Variants in SOX6 observed in about 807,000 individuals in gnomAD.
SOX6 encodes transcription factor SOX-6.
A neutral mutation model predicts 97.8 loss-of-function variants in SOX6; 11 were observed. That is an observed-to-expected ratio of 0.11 (90% CI 0.07 to 0.19). The LOEUF is 0.19. Among genes scored for constraint, SOX6 ranks in the 10% least tolerant of loss-of-function variants. The pLI, the probability that SOX6 is intolerant of heterozygous loss-of-function variation, is 1.00. For synonymous variants in SOX6, 360 were observed against 371.4 expected (o/e 0.97, Z 0.35); for missense variants, 810 against 1,039.5 (o/e 0.78, Z 3.04).
chr11:16,440,032 A>C (rs1441754096), intron 1 of SOX6, among the ~76,000 whole-genome samples: 3 of 152,220 alleles, frequency 2.0e-5, no homozygotes, highest in Non-Finnish European at 4.4e-5. Context: ...ACATGTTAAC[A>C]TGACTATAGC....
Position 16,462,233 on chromosome 11 carries a change from T to C in SOX6, c.-5+14082A>G, listed in dbSNP as rs966357481. ...AATAGTGTCAGAACACTTCTCACTA[T>C]GCTATTAACTTGCAAGCAGGCCAGC... On this transcript the variant is annotated intron_variant, in intron 1 of 15. Coordinates refer to the SOX6 transcript ENST00000396356. Among the ~76,000 whole-genome samples the C allele has an allele frequency of 3.9e-5, 6 of 152,266 alleles. No homozygotes were observed. The South Asian group carries it at 6.2e-4, about 16-fold the overall frequency.
At chr11:16,067,592 A>T (rs924052150) in intron 9 of SOX6, among the ~76,000 whole-genome samples, 9 of 152,146 alleles carry the variant, frequency 5.9e-5, no homozygotes, top group African/African-American at 2.2e-4. Context: ...GTATGTCCTC[A>T]TTAGCAGCAT....
chr11:16,255,347 AC>A (rs1853651621), intron 3 of SOX6, among the ~76,000 whole-genome samples: 1 of 152,052 alleles, frequency 6.6e-6, no homozygotes, highest in South Asian at 2.1e-4. Flanking sequence ...ACCAAAACAG[AC>A]CACATTCTGG....
chr11:16,539,118 A>T (rs1414858963), intron 4 of SOX6, among the ~76,000 whole-genome samples: 1 of 152,210 alleles, frequency 6.6e-6, no homozygotes, highest in Admixed American at 6.5e-5. Flanking sequence ...AATCACAACA[A>T]ACTGTCTCTC....
chr11:16,083,602 A>G (rs370693242), intron 9 of SOX6, among the ~76,000 whole-genome samples: 37 of 152,308 alleles, frequency 2.4e-4, no homozygotes, highest in African/African-American at 7.5e-4. Flanking sequence ...ATCTATGTAC[A>G]AGAAGCAATC....
chr11:16,053,452 C>T (rs1847733156), intron 10 of SOX6, among the ~76,000 whole-genome samples: 1 of 152,096 alleles, frequency 6.6e-6, no homozygotes, highest in Non-Finnish European at 1.5e-5. Flanking sequence ...TCTTTATTAT[C>T]ATAATGACCA....
intron 3 of SOX6, among the ~76,000 whole-genome samples, chr11:16,663,869 T>C (rs1590043834): frequency 6.6e-6 from 1 of 152,328 alleles, no homozygotes; most frequent in East Asian, 1.9e-4. Flanking sequence ...TTAAAGCCTT[T>C]AACAAATTCT....
At chr11:16,513,142 T>C (rs146112096) in intron 4 of SOX6, among the ~76,000 whole-genome samples, 112 of 152,284 alleles carry the variant, frequency 7.4e-4, no homozygotes, top group African/African-American at 2.6e-3. Flanking sequence ...AAAAGAAGCA[T>C]ATGTGCAACT....
At chr11:15,979,790 A>G (rs1302295938) in intron 15 of SOX6, among the ~76,000 whole-genome samples, 1 of 151,946 alleles carries the variant, frequency 6.6e-6, no homozygotes, top group African/African-American at 2.4e-5. Context: ...TTGCTTTCTC[A>G]GTGAGGTTTT....
chr11:16,256,199 A>C (rs1378812418), intron 3 of SOX6, among the ~76,000 whole-genome samples: 1 of 152,018 alleles, frequency 6.6e-6, no homozygotes, highest in African/African-American at 2.4e-5. Flanking sequence ...AACTCATTTT[A>C]TCAGGTCAGC....
intron 1 of SOX6, among the ~76,000 whole-genome samples, chr11:16,464,388 C>A (rs1187829451): frequency 6.6e-6 from 1 of 151,244 alleles, no homozygotes. Context: ...AGATACATGT[C>A]TTGGGTACTA....
At chr11:16,089,294 G>T (rs1848635434) in intron 9 of SOX6, among the ~76,000 whole-genome samples, 1 of 152,014 alleles carries the variant, frequency 6.6e-6, no homozygotes, top group Admixed American at 6.6e-5. Context: ...AAACCGGGGG[G>T]AAAGCGTTAA....
At chr11:16,245,716 T>C (rs1302902199) in intron 3 of SOX6, among the ~76,000 whole-genome samples, 1 of 151,664 alleles carries the variant, frequency 6.6e-6, no homozygotes, top group Non-Finnish European at 1.5e-5. Flanking sequence ...TAATATTCCT[T>C]CTCCTGGAGT....
intron 1 of SOX6, among the ~76,000 whole-genome samples, chr11:16,351,352 C>T (rs543663916): frequency 2.9e-4 from 44 of 152,158 alleles, no homozygotes; most frequent in South Asian, 1.2e-3. Flanking sequence ...GTTTCTTATG[C>T]TCATCTCTCT....
chr11:16,456,012 A>T (rs1188745951), intron 1 of SOX6, among the ~76,000 whole-genome samples: 1 of 152,094 alleles, frequency 6.6e-6, no homozygotes, highest in Non-Finnish European at 1.5e-5. Flanking sequence ...AATCAGCCAT[A>T]ATGTGATATA....
At chr11:16,030,358 CA>C (rs1855335420) in intron 12 of SOX6, among the ~76,000 whole-genome samples, 1 of 152,122 alleles carries the variant, frequency 6.6e-6, no homozygotes, top group African/African-American at 2.4e-5. Flanking sequence ...TATAGTTTCT[CA>C]ACTAAAAATA....
chr11:16,044,103 A>G (rs1293572920), intron 12 of SOX6, among the ~76,000 whole-genome samples: 1 of 152,128 alleles, frequency 6.6e-6, no homozygotes, highest in Non-Finnish European at 1.5e-5. Flanking sequence ...ACTATGCTGT[A>G]CAGGCTTTTG....
intron 15 of SOX6, among the ~76,000 whole-genome samples, chr11:15,975,443 T>C (rs1039590573): frequency 5.3e-5 from 8 of 152,232 alleles, no homozygotes; most frequent in Non-Finnish European, 1.2e-4. Context: ...TTTGGCAAGC[T>C]GATCTGTAAT....
Position 16,605,181 on chromosome 11 carries a change from G to T in SOX6, n.609+6900C>A, listed in dbSNP as rs1174491529. Reference sequence around the variant, plus strand: ...CGGCTGCAGAGGAACGGCGGGTGGCGGGGCCCCGGCAGGGCGCCGAGAAGG... The same window carrying T: ...CGGCTGCAGAGGAACGGCGGGTGGCTGGGCCCCGGCAGGGCGCCGAGAAGG... On this transcript the variant is annotated intron_variant and non_coding_transcript_variant, in intron 4 of 5. Transcript: ENST00000524520. This position sits in a 1 kb window ranked among gnomAD's most constrained non-coding sequence, Gnocchi z 5.3. 6.6e-6 allele frequency among the ~76,000 whole-genome samples: 1 copy of T among 151,916 alleles called. No homozygotes were observed. The highest frequency in any genetic ancestry group is 1.5e-5 in the Non-Finnish European group (1 of 67,926).
Sources: gnomAD v4.1 joint callset for allele counts (sites outside exome capture counted in the v4.1 genomes callset) on GRCh38, gnomAD v4.1.1 for gene constraint, Gnocchi (gnomAD v3.1) non-coding constraint, MANE v1.5 for transcripts, NCBI Gene and HGNC (gene_info 2026-07-23, HGNC 2026-07-21) for gene names.